Variants in CACNA1I observed in about 807,000 individuals in gnomAD.
The protein encoded by CACNA1I is voltage-dependent T-type calcium channel subunit alpha-1I.
Under a neutral mutation model 201.6 loss-of-function variants are expected in CACNA1I, and 74 were observed. That is an observed-to-expected ratio of 0.37 (90% CI 0.30 to 0.45). The LOEUF is 0.45. Among genes scored for constraint, CACNA1I ranks in the 20% least tolerant of loss-of-function variants. The probability of loss-of-function intolerance (pLI) is 1.00; values close to 1 mark genes in which losing one functional copy is unlikely to be tolerated. For missense variants in CACNA1I, 2,346 were observed against 3,138.1 expected, an observed-to-expected ratio of 0.75 and a Z score of 6.03; for synonymous variants, 1,431 against 1,345.2, an observed-to-expected ratio of 1.06 and a Z score of -1.40.
chr22:39,655,279 C>T (rs1449562867), intron 10 of CACNA1I, among the ~76,000 whole-genome samples: 2 of 152,132 alleles, frequency 1.3e-5, no homozygotes, highest in African/African-American at 2.4e-5. Context: ...GGCAGCTGAC[C>T]TCTGCACACC....
At chr22:39,673,828 T>G in intron 28 of CACNA1I, 135 bp from the exon 29 acceptor site, 1 of 727,864 alleles carries the variant, frequency 1.4e-6, no homozygotes, top group South Asian at 1.7e-5. Flanking sequence ...TGTAATGTGG[T>G]ATCTGAGAGC....
In CACNA1I at chr22:39,685,700, G is replaced by A; in HGVS notation, c.6028-61G>A. The stretch of plus-strand genomic sequence containing the variant: ...TGCCTGCTGTGCGGGGGAGGGCGGC[G>A]TCCAGGTTGCTGGGGTGGGGGCCGA... On this transcript the variant is annotated intron_variant, in intron 36 of 36. Coordinates refer to ENST00000402142, the MANE Select transcript of CACNA1I (RefSeq NM_021096.4). This position sits in a 1 kb window ranked among gnomAD's most constrained non-coding sequence, Gnocchi z 5.0. 5.2e-6 allele frequency: 7 copies of A among 1,346,584 alleles called. No homozygotes were observed. Among genetic ancestry groups the A allele is most frequent in the Admixed American group, 3.5e-5 (1 of 28,458 alleles). The allele number at this position is 1,346,584 out of a possible 1,614,324, so 83.4% of individuals were successfully genotyped here.
At chr22:39,678,993 C>G in intron 31 of CACNA1I, 114 bp from the exon 32 acceptor site, 1 of 783,954 alleles carries the variant, frequency 1.3e-6, no homozygotes, top group East Asian at 2.8e-5. Flanking sequence ...GGGGCCATCT[C>G]GGGGGTTGAA....
rs73424114 is a variant in CACNA1I, at chr22:39,598,883, G to C, written c.348+621G>C. On this transcript the variant is annotated intron_variant, in intron 2 of 36. Coordinates refer to ENST00000402142, the MANE Select transcript of CACNA1I (RefSeq NM_021096.4). ...CATTTTACAGATGTGGAAACACTCG[G>C]TGCAACTCCCTGGGAAAGCCAGATT... Among the ~76,000 whole-genome samples, 837 of 150,688 alleles carry C rather than the reference G, an allele frequency of 5.6e-3. 9 individuals are homozygous for C. Among genetic ancestry groups the C allele is most frequent in the African/African-American group, 0.019 (791 of 40,950 alleles).
In CACNA1I at chr22:39,629,874, C is replaced by T. The variant is rs1044435443; in HGVS notation, c.581-4691C>T. 2.0e-5 allele frequency among the ~76,000 whole-genome samples: 3 copies of T among 152,096 alleles called. No homozygotes were observed. Among genetic ancestry groups the T allele is most frequent in the East Asian group, 3.9e-4 (2 of 5,190 alleles). On this transcript the variant is annotated intron_variant, in intron 4 of 36. Transcript: ENST00000402142. This position sits in a 1 kb window ranked among gnomAD's most constrained non-coding sequence, Gnocchi z 4.8. Reference sequence around the variant, plus strand: ...CTCTCTCCTCTGCCCTGGCCCCCCGCGATCCATTCTCCACCCAGCAGCCCA... The same window carrying T: ...CTCTCTCCTCTGCCCTGGCCCCCCGTGATCCATTCTCCACCCAGCAGCCCA...
At chr22:39,622,924 C>A (rs1320467548) in intron 4 of CACNA1I, among the ~76,000 whole-genome samples, 3 of 152,196 alleles carry the variant, frequency 2.0e-5, no homozygotes, top group Non-Finnish European at 2.9e-5. Context: ...CATGGTCACA[C>A]TCCAGGCCAC....
At chr22:39,625,289 C>G (rs145622390) in intron 4 of CACNA1I, among the ~76,000 whole-genome samples, 29 of 152,302 alleles carry the variant, frequency 1.9e-4, no homozygotes, top group Middle Eastern at 3.4e-3. Flanking sequence ...TGGGCGCAGT[C>G]AAATGACGGG....
Position 39,666,031 on chromosome 22 carries a change from A to G in CACNA1I, c.4104+25A>G, listed in dbSNP as rs371600228. 53 of 1,607,866 alleles carry G rather than the reference A, an allele frequency of 3.3e-5. No homozygotes were observed. Among genetic ancestry groups the G allele is most frequent in the Non-Finnish European group, 4.4e-5 (52 of 1,176,734 alleles). ...GGTGAGCACCACCGTCCTAGCCCTGATCAGACCCTCCCCTCTCTTGGATGC... is the reference window on the plus strand; with the variant it reads ...GGTGAGCACCACCGTCCTAGCCCTGGTCAGACCCTCCCCTCTCTTGGATGC... On this transcript the variant is annotated intron_variant, in intron 23 of 36. Coordinates refer to ENST00000402142, the MANE Select transcript of CACNA1I (RefSeq NM_021096.4). This position sits in a 1 kb window ranked among gnomAD's most constrained non-coding sequence, Gnocchi z 4.1.
chr22:39,629,870 C>G lies in CACNA1I; in HGVS notation c.581-4695C>G, dbSNP rs1056870679. 2.2e-4 allele frequency among the ~76,000 whole-genome samples: 33 copies of G among 152,180 alleles called. No homozygotes were observed. The highest frequency in any genetic ancestry group is 3.6e-4 in the African/African-American group (15 of 41,430). ...TGCTCTCTCTCCTCTGCCCTGGCCCCCCGCGATCCATTCTCCACCCAGCAG... is the reference window on the plus strand; with the variant it reads ...TGCTCTCTCTCCTCTGCCCTGGCCCGCCGCGATCCATTCTCCACCCAGCAG... On this transcript the variant is annotated intron_variant, in intron 4 of 36. Coordinates refer to ENST00000402142, the MANE Select transcript of CACNA1I (RefSeq NM_021096.4). This position sits in a 1 kb window ranked among gnomAD's most constrained non-coding sequence, Gnocchi z 4.8.
intron 7 of CACNA1I, 46 bp from the exon 8 acceptor site, chr22:39,646,523 C>A: frequency 6.7e-7 from 1 of 1,501,746 alleles, no homozygotes; most frequent in Non-Finnish European, 8.9e-7. Context: ...CTTCTGTCCC[C>A]TCCATCCCTG....
At position 39,682,744 on chromosome 22, in the gene CACNA1I, TA is replaced by T; in HGVS notation, c.5830+84del. 2.5e-6 allele frequency: 3 copies of T among 1,215,240 alleles called. No homozygotes were observed. In the South Asian group the frequency reaches 4.5e-5, roughly 18 times the overall value. The allele number at this position is 1,215,240 out of a possible 1,614,324, so 75.3% of individuals were successfully genotyped here. A position where few individuals can be genotyped will look rare whatever the true frequency, so the allele number is the denominator to read the frequency against. On this transcript the variant is annotated intron_variant, in intron 35 of 36. Coordinates refer to ENST00000402142, the MANE Select transcript of CACNA1I (RefSeq NM_021096.4). ...GAGGGAGATGGCTGAGTTTTTTCCT[TA>T]GTATTTTTACCCAGATTATTATATT...
At chr22:39,595,397 G>A (rs966477311) in intron 1 of CACNA1I, among the ~76,000 whole-genome samples, 28 of 152,098 alleles carry the variant, frequency 1.8e-4, no homozygotes, top group African/African-American at 5.5e-4. Context: ...GCCGAGGCGG[G>A]TGGATCACCT....
chr22:39,611,453 CAGAA>C (rs1933385428), intron 3 of CACNA1I, among the ~76,000 whole-genome samples: 1 of 152,104 alleles, frequency 6.6e-6, no homozygotes, highest in South Asian at 2.1e-4. Flanking sequence ...CACTAGCCCT[CAGAA>C]AGCAGTGAGG....
chr22:39,661,077 C>T lies in CACNA1I; in HGVS notation c.2699-31C>T, dbSNP rs1036781951. The T allele has an allele frequency of 2.6e-6, 4 of 1,561,844 alleles. No homozygotes were observed. The African/African-American group carries it at 5.4e-5, about 21-fold the overall frequency. On this transcript the variant is annotated intron_variant, in intron 15 of 36. Transcript: ENST00000402142. ...TTGTTCTGTCCTGTCTGCCATCTGT[C>T]CCTCCCTCTGTCTCCATCTCACTCC...
In CACNA1I at chr22:39,576,250, A is replaced by G. The variant is rs117008612; in HGVS notation, c.236+5262A>G. 3.5e-3 allele frequency among the ~76,000 whole-genome samples: 526 copies of G among 152,346 alleles called. 2 individuals are homozygous for G. Among genetic ancestry groups the G allele is most frequent in the Non-Finnish European group, 6.0e-3 (407 of 68,032 alleles). ...CACCCAGCGGTGTGTCCAGCACAAA[A>G]ATGTGCAGGATGAGAGCTGATGCTG... On this transcript the variant is annotated intron_variant, in intron 1 of 36. Transcript: ENST00000402142.
chr22:39,670,292 A>G, intron 25 of CACNA1I, 62 bp downstream of exon 25: 3 of 1,530,766 alleles, frequency 2.0e-6, no homozygotes, highest in South Asian at 1.2e-5. Context: ...CCTGGGCCTG[A>G]CCCCAGCCTC....
intron 25 of CACNA1I, 76 bp from the exon 26 acceptor site, chr22:39,670,727 G>A (rs1935347164): frequency 2.1e-6 from 3 of 1,433,726 alleles, no homozygotes; most frequent in Non-Finnish European, 2.9e-6. Flanking sequence ...CCACCTTTCT[G>A]TCCTTTGTGC....
At chr22:39,594,396 T>C (rs1446041473) in intron 1 of CACNA1I, among the ~76,000 whole-genome samples, 1 of 152,046 alleles carries the variant, frequency 6.6e-6, no homozygotes, top group Non-Finnish European at 1.5e-5. Context: ...TGGGGGATGT[T>C]CTTTGGTAAT....
intron 4 of CACNA1I, among the ~76,000 whole-genome samples, chr22:39,627,674 G>A (rs1933938596): frequency 6.6e-6 from 1 of 152,254 alleles, no homozygotes; most frequent in African/African-American, 2.4e-5. Flanking sequence ...TGGCGTGGAA[G>A]TGTCGGCATT....
Sources: allele counts gnomAD v4.1 joint callset (sites outside exome capture counted in the v4.1 genomes callset), GRCh38; gene constraint gnomAD v4.1.1; non-coding constraint Gnocchi (gnomAD v3.1); transcripts MANE v1.5; gene names NCBI Gene and HGNC (gene_info 2026-07-23, HGNC 2026-07-21).